ERMAP: variants seen among roughly 807,000 people sequenced by gnomAD.
ERMAP encodes the protein erythroblast membrane associated protein (Scianna blood group).
Under a neutral mutation model 49.5 loss-of-function variants are expected in ERMAP, and 34 were observed. The ratio of observed to expected loss-of-function variants is 0.69; its 90% confidence interval spans 0.52 to 0.91. The LOEUF is 0.91. Among genes scored for constraint, ERMAP ranks in the 40% least tolerant of loss-of-function variants. The pLI is 0.00. For synonymous variants in ERMAP, 214 were observed against 232.2 expected (o/e 0.92, Z 0.71); for missense variants, 541 against 582.6 (o/e 0.93, Z 0.74).
chr1:42,842,320 A>G (rs1655078841), intron 11 of ERMAP, among the ~76,000 whole-genome samples, 197 bp from the exon 12 acceptor site: 1 of 152,336 alleles, frequency 6.6e-6, no homozygotes, highest in South Asian at 2.1e-4. Flanking sequence ...TCTATTACTT[A>G]GTAATCGACC....
intron 7 of ERMAP, among the ~76,000 whole-genome samples, 198 bp from the exon 8 acceptor site, chr1:42,838,703 C>G (rs940227288): frequency 6.6e-6 from 1 of 152,180 alleles, no homozygotes; most frequent in Non-Finnish European, 1.5e-5. Context: ...AAGTCCCGGG[C>G]AGGCTGGGTC....
In ERMAP at chr1:42,831,000, G is replaced by A. The variant is rs1448187974; in HGVS notation, c.318G>A (p.Glu106=). The part of the protein sequence containing the change: ...GRTVLVRDAQ[E]GSVTLQILDV... ...CGGTGCTAGTGAGAGATGCCCAAGAGGGAAGTGTCACTCTGCAGATCCTTG... is the reference window on the plus strand; with the variant it reads ...CGGTGCTAGTGAGAGATGCCCAAGAAGGAAGTGTCACTCTGCAGATCCTTG... Residue 106 remains glutamate (E), a synonymous_variant, in exon 4 of 12, where the codon GAG becomes GAA. Transcript: ENST00000372517. The A allele has an allele frequency of 6.2e-7, 1 of 1,614,116 alleles. No individual in the cohort carries two copies. Among genetic ancestry groups the A allele is most frequent in the Non-Finnish European group, 8.5e-7 (1 of 1,180,044 alleles).
intron 1 of ERMAP, among the ~76,000 whole-genome samples, chr1:42,823,405 C>T (rs940748432): frequency 1.7e-4 from 26 of 152,176 alleles, no homozygotes; most frequent in African/African-American, 6.3e-4. Flanking sequence ...CCAATCTCAT[C>T]AGAAAAGTCT....
At chr1:42,828,356 T>C (rs1654614476) in intron 2 of ERMAP, among the ~76,000 whole-genome samples, 1 of 152,034 alleles carries the variant, frequency 6.6e-6, no homozygotes, top group South Asian at 2.1e-4. Context: ...ATGAGGTAGG[T>C]ACTATTATTA....
At position 42,844,396 on chromosome 1, in the gene ERMAP, TTC is replaced by T. The variant is rs775858697; in HGVS notation, c.*1166_*1167del. ...GTTCTATCCAACAGAAACTGTATCT[TTC>T]TGTTTGTCAGAAGTTCTCCGTTAGT... On this transcript the variant is annotated 3_prime_UTR_variant, in exon 12 of 12. Transcript: ENST00000372517. The surrounding 1 kb of genome is among the most constrained non-coding windows in gnomAD (Gnocchi z 4.0). The T allele has an allele frequency of 4.0e-5, 13 of 328,258 alleles. No homozygotes were observed. Among genetic ancestry groups the T allele is most frequent in the Non-Finnish European group, 6.6e-5 (12 of 182,458 alleles). 20.3% of individuals were successfully genotyped at this position (328,258 alleles called of 1,614,324 possible).
chr1:42,836,931 T>A, intron 6 of ERMAP: 2 of 402,370 alleles, frequency 5.0e-6, no homozygotes, highest in East Asian at 3.8e-5. Flanking sequence ...TAAACAATTC[T>A]CTCAGGCTGC....
chr1:42,820,101 C>G (rs1172225442), intron 1 of ERMAP, among the ~76,000 whole-genome samples: 1 of 152,136 alleles, frequency 6.6e-6, no homozygotes, highest in Non-Finnish European at 1.5e-5. Context: ...ATTATTTTCC[C>G]TCAGAAGTTT....
chr1:42,833,411 T>C (rs988991517), intron 4 of ERMAP, among the ~76,000 whole-genome samples: 2 of 152,202 alleles, frequency 1.3e-5, no homozygotes, highest in African/African-American at 4.8e-5. Flanking sequence ...TGTTTACACA[T>C]GTGTATTCTT....
intron 2 of ERMAP, chr1:42,830,168 G>T: frequency 2.2e-6 from 1 of 446,482 alleles, no homozygotes; most frequent in South Asian, 2.6e-5. Context: ...GACTTAACAC[G>T]CCAGCCTCTG....
chr1:42,817,288 C>G (rs1654261111), intron 1 of ERMAP, 35 bp downstream of exon 1: 2 of 1,211,174 alleles, frequency 1.7e-6, no homozygotes, highest in Non-Finnish European at 2.1e-6. Flanking sequence ...CTGGACCCAG[C>G]GCTGCCTGCC....
chr1:42,827,024 CT>C (rs1654574512), intron 2 of ERMAP, among the ~76,000 whole-genome samples: 1 of 152,044 alleles, frequency 6.6e-6, no homozygotes, highest in Non-Finnish European at 1.5e-5. Flanking sequence ...TATTTTAAAG[CT>C]TTTACATCTT....
chr1:42,837,095 A>G, intron 6 of ERMAP, 63 bp from the exon 7 acceptor site: 1 of 1,574,214 alleles, frequency 6.4e-7, no homozygotes. Context: ...TAAAATCAAT[A>G]GGAATCAGGG....
chr1:42,819,159 TAA>T lies in ERMAP; in HGVS notation c.-122+1907_-122+1908del, dbSNP rs1348526412. Among the ~76,000 whole-genome samples, 2 of 143,238 alleles carry T rather than the reference TAA, an allele frequency of 1.4e-5. No homozygotes were observed. Among genetic ancestry groups the T allele is most frequent in the South Asian group, 2.3e-4 (1 of 4,386 alleles). 94.0% of individuals were successfully genotyped at this position (143,238 alleles called of 152,430 possible). A position where few individuals can be genotyped will look rare whatever the true frequency, so the allele number is the denominator to read the frequency against. On this transcript the variant is annotated intron_variant, in intron 1 of 11. Coordinates refer to ENST00000372517, the MANE Select transcript of ERMAP (RefSeq NM_001017922.2). The surrounding 1 kb of genome is among the most constrained non-coding windows in gnomAD (Gnocchi z 5.1). ...GTTTGGGAAACGGTGAGGAAGAGGA[TAA>T]GTTAGGAGCGTGTGTGTGTGTGTGT...
At chr1:42,834,260 C>T (rs983019637) in intron 4 of ERMAP, among the ~76,000 whole-genome samples, 12 of 151,152 alleles carry the variant, frequency 7.9e-5, no homozygotes, top group East Asian at 1.9e-4. Context: ...CCTACTGCTG[C>T]GGCATCATAG....
rs201226367 is a variant in ERMAP, at chr1:42,840,066, T to C, written c.658+13T>C. On this transcript the variant is annotated intron_variant, in intron 9 of 11. Coordinates refer to ENST00000372517, the MANE Select transcript of ERMAP (RefSeq NM_001017922.2). ...CGGAGTGAACTGAGTAAGTTTCCCA[T>C]GTTCTTGTAACTTCCGTACCAACTT... 1.2e-6 allele frequency: 2 copies of C among 1,614,098 alleles called. No individual in the cohort carries two copies. The highest frequency in any genetic ancestry group is 1.7e-6 in the Non-Finnish European group (2 of 1,180,038).
rs779239484 is a variant in ERMAP at position 42,842,538 on chromosome 1, A to T, written c.734A>T (p.Asp245Val). Reference sequence around the variant, plus strand: ...GCAGTGGCAGTGACCCTGGACCCAGACACAGCACATCCCAAACTCATCCTT... The same window carrying T: ...GCAGTGGCAGTGACCCTGGACCCAGTCACAGCACATCCCAAACTCATCCTT... Reference protein sequence around the residue: ...LHFVAVTLDPDTAHPKLILSE... With the variant: ...LHFVAVTLDPVTAHPKLILSE... The change falls in exon 12 of 12, where the codon GAC (aspartate) becomes GTC (valine). Residue 245 changes from aspartate (D) to valine (V), a missense_variant. Asp to Val is a radical substitution (Grantham distance 152, BLOSUM62 -3). Coordinates refer to ENST00000372517, the MANE Select transcript of ERMAP (RefSeq NM_001017922.2). 3 of 1,613,756 alleles carry T rather than the reference A, an allele frequency of 1.9e-6. No homozygotes were observed. Among genetic ancestry groups the T allele is most frequent in the African/African-American group, 2.7e-5 (2 of 74,912 alleles).
At chr1:42,818,363 G>A (rs1439728149) in intron 1 of ERMAP, among the ~76,000 whole-genome samples, 1 of 152,246 alleles carries the variant, frequency 6.6e-6, no homozygotes, top group African/African-American at 2.4e-5. Context: ...GTAGAATGGT[G>A]ACTGCCAGTG....
intron 11 of ERMAP, among the ~76,000 whole-genome samples, chr1:42,842,173 C>G (rs1158087414): frequency 6.6e-6 from 1 of 152,192 alleles, no homozygotes; most frequent in Non-Finnish European, 1.5e-5. Context: ...CCACTAAGCC[C>G]TACCTCTGAA....
At chr1:42,822,202 A>G (rs1282245063) in intron 1 of ERMAP, among the ~76,000 whole-genome samples, 2 of 148,966 alleles carry the variant, frequency 1.3e-5, no homozygotes, top group Non-Finnish European at 3.0e-5. Flanking sequence ...TTTTTTTTTT[A>G]AGATGGAGTC....
Sources: allele counts gnomAD v4.1 joint callset (sites outside exome capture counted in the v4.1 genomes callset), GRCh38; gene constraint gnomAD v4.1.1; non-coding constraint Gnocchi (gnomAD v3.1); transcripts MANE v1.5; gene names NCBI Gene and HGNC (gene_info 2026-07-23, HGNC 2026-07-21).